Variants in MUC12 observed in about 807,000 individuals in gnomAD.
MUC12 encodes the protein mucin 12, cell surface associated, also known as mucin-12.
MUC12 carries 172 observed loss-of-function variants against 230.8 expected under a neutral mutation model. That is an observed-to-expected ratio of 0.75 (90% CI 0.66 to 0.85). The LOEUF is 0.85. Among genes scored for constraint, MUC12 ranks in the 40% least tolerant of loss-of-function variants. The pLI, the probability that MUC12 is intolerant of heterozygous loss-of-function variation, is 0.00. For missense variants in MUC12, 3,506 were observed against 5,920.6 expected, an observed-to-expected ratio of 0.59 and a Z score of 13.38; for synonymous variants, 1,259 against 2,401.9, an observed-to-expected ratio of 0.52 and a Z score of 13.91.
intron 1 of MUC12, among the ~76,000 whole-genome samples, chr7:100,986,011 A>G (rs569995412): frequency 3.9e-5 from 6 of 152,244 alleles, no homozygotes; most frequent in African/African-American, 1.4e-4. Flanking sequence ...TGAACTAGAC[A>G]AAACTTAGCT....
chr7:100,980,625 G>A (rs972484828), intron 1 of MUC12, among the ~76,000 whole-genome samples: 3 of 152,216 alleles, frequency 2.0e-5, no homozygotes, highest in Admixed American at 1.3e-4. Flanking sequence ...GAATGTCATC[G>A]TTAAAATGAT....
At chr7:100,976,727 A>G (rs1793037859) in intron 1 of MUC12, among the ~76,000 whole-genome samples, 1 of 151,948 alleles carries the variant, frequency 6.6e-6, no homozygotes, top group Admixed American at 6.6e-5. Context: ...TTGGGTTTTT[A>G]TACGTGGGGA....
Position 100,995,769 on chromosome 7 carries a change from G to A in MUC12, c.5206G>A (p.Gly1736Ser), listed in dbSNP as rs1481467653. 1.2e-5 allele frequency: 18 copies of A among 1,529,442 alleles called. 1 individual carries two copies. Among genetic ancestry groups the A allele is most frequent in the South Asian group, 3.6e-5 (3 of 83,618 alleles). 94.7% of individuals were successfully genotyped at this position (1,529,442 alleles called of 1,614,324 possible). Residue 1736 changes from glycine (G) to serine (S), a missense_variant, in exon 2 of 12, where the codon GGC (glycine) becomes AGC (serine). Physicochemically the swap from Gly to Ser is moderately conservative, Grantham distance 56. Transcript: ENST00000536621. ...CTTTTCTGCCAGCTCCACAACCTTG[G>A]GCCGTAGTGAGGAATCGACAACAGT... is the stretch of plus-strand genomic sequence containing the variant. ...THFSASSTTLGRSEESTTVHS... is the reference protein window; with the variant it reads ...THFSASSTTLSRSEESTTVHS...
At chr7:100,974,844 A>AATAATAATAATG (rs923332092) in intron 1 of MUC12, among the ~76,000 whole-genome samples, 2 of 100 alleles carry the variant, frequency 0.02, no homozygotes, top group African/African-American at 0.045. Context: ...TAATAATAAT[A>AATAATAATAATG]AATTTAAAAA....
intron 1 of MUC12, among the ~76,000 whole-genome samples, chr7:100,986,131 G>A (rs2116287990): frequency 6.6e-6 from 1 of 152,280 alleles, no homozygotes; most frequent in East Asian, 1.9e-4. Flanking sequence ...AGGCCGAGGT[G>A]TGAGAATCAC....
At chr7:101,010,451 C>G (rs1159280329) in intron 5 of MUC12, among the ~76,000 whole-genome samples, 1 of 152,128 alleles carries the variant, frequency 6.6e-6, no homozygotes, top group Non-Finnish European at 1.5e-5. Flanking sequence ...ATCCTCCCAC[C>G]TCAGCCTCTC....
intron 8 of MUC12, 111 bp from the exon 9 acceptor site, chr7:101,013,802 C>T (rs1054727983): frequency 1.4e-5 from 18 of 1,269,620 alleles, no homozygotes; most frequent in Middle Eastern, 2.4e-4. Flanking sequence ...GAGCTCCAGC[C>T]GTTGGAGTGA....
intron 10 of MUC12, 41 bp from the exon 11 acceptor site, chr7:101,017,534 C>T (rs1048215880): frequency 3.1e-5 from 41 of 1,330,410 alleles, no homozygotes; most frequent in Non-Finnish European, 4.0e-5. Context: ...AGTCCTCCCC[C>T]TACCAAGGCT....
In MUC12 at chr7:100,995,520, G is replaced by A. The variant is rs1471582927; in HGVS notation, c.4957G>A (p.Ala1653Thr). 2.0e-6 allele frequency: 3 copies of A among 1,535,680 alleles called. No homozygotes were observed. Among genetic ancestry groups the A allele is most frequent in the East Asian group, 4.9e-5 (2 of 40,870 alleles). ...AACACTCTTACCTGACAACACCACAGCCTCAGGCCTCCTTGAAGCATCTAC... is the reference window on the plus strand; with the variant it reads ...AACACTCTTACCTGACAACACCACAACCTCAGGCCTCCTTGAAGCATCTAC... The part of the protein sequence containing the change: ...ETTLLPDNTT[A>T]SGLLEASTPV... The change falls in exon 2 of 12, where the codon GCC (alanine) becomes ACC (threonine). Residue 1653 changes from alanine (A) to threonine (T), a missense_variant. By Grantham distance (58) the Ala-to-Thr change is moderately conservative. Coordinates refer to ENST00000536621, the MANE Select transcript of MUC12 (RefSeq NM_001164462.2).
intron 1 of MUC12, among the ~76,000 whole-genome samples, chr7:100,989,396 C>T (rs1315086422): frequency 6.6e-6 from 1 of 152,108 alleles, no homozygotes; most frequent in African/African-American, 2.4e-5. Flanking sequence ...CATGAGCCAC[C>T]ACACCTGGCC....
At chr7:101,014,793 TTAAATTAAA>T (rs1487773885) in intron 9 of MUC12, among the ~76,000 whole-genome samples, 1 of 144,626 alleles carries the variant, frequency 6.9e-6, no homozygotes, top group Non-Finnish European at 1.6e-5. Flanking sequence ...TTAAATTAAA[TTAAATTAAA>T]TTAAATTAAA....
Position 101,018,711 on chromosome 7 carries a change from G to A in MUC12, c.*75G>A, listed in dbSNP as rs574864163. ...AACACAGAGCCCACCACAAGCCTCC[G>A]GGGCGGGTCAAGAGGAGACCGAAGT... On this transcript the variant is annotated 3_prime_UTR_variant, in exon 12 of 12. Transcript: ENST00000536621. 103 of 1,455,898 alleles carry A rather than the reference G, an allele frequency of 7.1e-5. No homozygotes were observed. Among genetic ancestry groups the A allele is most frequent in the Admixed American group, 6.4e-5 (3 of 46,518 alleles). The allele number at this position is 1,455,898 out of a possible 1,614,324, so 90.2% of individuals were successfully genotyped here.
At chr7:100,971,778 C>T (rs1221607141) in intron 1 of MUC12, among the ~76,000 whole-genome samples, 2 of 152,310 alleles carry the variant, frequency 1.3e-5, no homozygotes, top group African/African-American at 2.4e-5. Context: ...AAGGCCTGGC[C>T]TAGCAGATCT....
chr7:100,995,929 C>T lies in MUC12; in HGVS notation c.5366C>T (p.Thr1789Ile), dbSNP rs1276975541. 2 of 1,237,742 alleles carry T rather than the reference C, an allele frequency of 1.6e-6. No homozygotes were observed. The allele number at this position is 1,237,742 out of a possible 1,614,324, so 76.7% of individuals were successfully genotyped here. The change falls in exon 2 of 12, where the codon ACA (threonine) becomes ATA (isoleucine). Residue 1789 changes from threonine (T) to isoleucine (I), a missense_variant. By Grantham distance (89) the Thr-to-Ile change is moderately conservative. Coordinates refer to ENST00000536621, the MANE Select transcript of MUC12 (RefSeq NM_001164462.2). ...ACAATGCACTTCCCTGAAAGCTCCA[C>T]AGCTTCAGGTCGTAGTGAAGAATCA... ...TQTMHFPESS[T>I]ASGRSEESRT...
chr7:101,014,265 A>G, intron 9 of MUC12, 191 bp downstream of exon 9: 1 of 519,902 alleles, frequency 1.9e-6, no homozygotes, highest in Non-Finnish European at 3.3e-6. Context: ...GGATACATCA[A>G]TTTGGCAGTG....
chr7:101,011,371 GC>G (rs1321848176), intron 5 of MUC12, among the ~76,000 whole-genome samples: 1 of 152,094 alleles, frequency 6.6e-6, no homozygotes, highest in Non-Finnish European at 1.5e-5. Flanking sequence ...TCTCCCCCCA[GC>G]TGCATCATTG....
chr7:100,987,253 G>A (rs1224017339), intron 1 of MUC12, among the ~76,000 whole-genome samples: 1 of 152,150 alleles, frequency 6.6e-6, no homozygotes, highest in East Asian at 1.9e-4. Context: ...TTTTAGTAGG[G>A]ATGGGGTTTC....
intron 5 of MUC12, among the ~76,000 whole-genome samples, chr7:101,011,715 C>T (rs1793841907): frequency 6.6e-6 from 1 of 152,232 alleles, no homozygotes. Flanking sequence ...AGCCACCGCA[C>T]TTCCTGCCCT....
Position 101,005,217 on chromosome 7 carries a change from C to A in MUC12, c.14654C>A (p.Pro4885Gln). ...CAATCTACACCCTTCCCTGACAGCC[C>A]AGGCTTCACTCACACAGTGTTACCT... ...SQQSTPFPDS[P>Q]GFTHTVLPAT... Residue 4885 changes from proline (P) to glutamine (Q), a missense_variant, in exon 2 of 12, where the codon CCA becomes CAA. Transcript: ENST00000536621. 6.5e-7 allele frequency: 1 copy of A among 1,537,888 alleles called. No homozygotes were observed. Among genetic ancestry groups the A allele is most frequent in the Non-Finnish European group, 8.7e-7 (1 of 1,147,060 alleles).
Sources: gnomAD v4.1 joint callset for allele counts (sites outside exome capture counted in the v4.1 genomes callset) on GRCh38, gnomAD v4.1.1 for gene constraint, MANE v1.5 for transcripts, NCBI Gene and HGNC (gene_info 2026-07-23, HGNC 2026-07-21) for gene names.